PAH: variants seen among roughly 807,000 people sequenced by gnomAD.
The protein encoded by PAH is phenylalanine-4-hydroxylase.
Under a neutral mutation model 62.0 loss-of-function variants are expected in PAH, and 64 were observed. That is an observed-to-expected ratio of 1.03 (90% CI 0.84 to 1.27). The LOEUF (loss-of-function observed/expected upper bound fraction) is 1.27. PAH is among the 50% of genes most tolerant of loss of function. The pLI is 0.00. For synonymous variants in PAH, 195 were observed against 196.2 expected, an observed-to-expected ratio of 0.99 and a Z score of 0.05; for missense variants, 579 against 542.8, an observed-to-expected ratio of 1.07 and a Z score of -0.66.
chr12:102,856,129 GA>G (rs145887051), intron 5 of PAH, among the ~76,000 whole-genome samples: 3,525 of 151,732 alleles, frequency 0.023, 130 homozygotes, highest in African/African-American at 0.08. Flanking sequence ...TGGAACAAAG[GA>G]GAGAAAATAA....
At chr12:102,892,130 A>C (rs1296801073) in intron 3 of PAH, among the ~76,000 whole-genome samples, 1 of 152,222 alleles carries the variant, frequency 6.6e-6, no homozygotes, top group Non-Finnish European at 1.5e-5. Flanking sequence ...CACTCTCCAC[A>C]AGGCCAGAAC....
At chr12:102,885,814 G>T (rs1672717149) in intron 3 of PAH, among the ~76,000 whole-genome samples, 1 of 152,194 alleles carries the variant, frequency 6.6e-6, no homozygotes, top group Non-Finnish European at 1.5e-5. Flanking sequence ...AGCCCCAGGG[G>T]TTAGCCAGCA....
chr12:102,958,187 C>G, intron 1 of PAH: 3 of 1,353,710 alleles, frequency 2.2e-6, no homozygotes, highest in African/African-American at 1.5e-5. Context: ...CCCTCGCGGG[C>G]CCCGCACCTC....
chr12:102,929,906 G>A (rs893547627), intron 1 of PAH, among the ~76,000 whole-genome samples: 10 of 152,198 alleles, frequency 6.6e-5, no homozygotes, highest in African/African-American at 1.9e-4. Flanking sequence ...TGCTTTTGAA[G>A]GAACAAAGAG....
upstream of PAH, chr12:102,950,991 G>A (rs1394192508): frequency 6.6e-6 from 1 of 152,028 alleles, no homozygotes; most frequent in African/African-American, 2.4e-5. Context: ...TGAGAAGAGG[G>A]AAGTCCGAGG....
intron 2 of PAH, among the ~76,000 whole-genome samples, chr12:102,900,399 T>C (rs956296125): frequency 6.6e-6 from 1 of 152,160 alleles, no homozygotes; most frequent in Non-Finnish European, 1.5e-5. Flanking sequence ...TAAATGGTTA[T>C]AATGATAACC....
At chr12:102,914,057 A>G (rs2056602) in intron 1 of PAH, 89,598 of 501,624 alleles carry the variant, frequency 0.18, 9,513 homozygotes, top group Admixed American at 0.36. Flanking sequence ...GTGACTCAGA[A>G]TAACAAGCCC....
rs62514928 is a variant in PAH, at chr12:102,855,230, A to C, written c.612T>G (p.Tyr204Ter). ...LKSLYKTHAC[Y>*]EYNHIFPLLE... is the part of the protein sequence containing the mutation. ...GAAGTGGAAAAATGTGATTGTACTCATAGCAAGCATGGGTTTTATACAAGG... is the reference window on the plus strand; with the variant it reads ...GAAGTGGAAAAATGTGATTGTACTCCTAGCAAGCATGGGTTTTATACAAGG... The change falls in exon 6 of 13, where the codon TAT (tyrosine) becomes TAG (stop). Residue 204 changes from tyrosine (Y) to a stop codon, truncating the protein, a stop_gained. Coordinates refer to ENST00000553106, the MANE Select transcript of PAH (RefSeq NM_000277.3). LOFTEE classifies it high-confidence loss of function. The C allele has an allele frequency of 8.7e-6, 14 of 1,614,156 alleles. No individual in the cohort carries two copies. The highest frequency in any genetic ancestry group is 1.2e-5 in the Non-Finnish European group (14 of 1,179,962).
intron 3 of PAH, among the ~76,000 whole-genome samples, chr12:102,878,769 T>C (rs1412597309): frequency 6.6e-6 from 1 of 152,098 alleles, no homozygotes; most frequent in Non-Finnish European, 1.5e-5. Flanking sequence ...ATTTAAGGTA[T>C]TGACAGCAGT....
chr12:102,888,066 G>A (rs1443946297), intron 3 of PAH, among the ~76,000 whole-genome samples: 1 of 152,166 alleles, frequency 6.6e-6, no homozygotes, highest in East Asian at 1.9e-4. Flanking sequence ...AGTTTTGGGA[G>A]TTTGGACTTG....
chr12:102,936,008 G>C (rs1879088463), intron 1 of PAH, among the ~76,000 whole-genome samples: 1 of 151,256 alleles, frequency 6.6e-6, no homozygotes, highest in Admixed American at 6.6e-5. Flanking sequence ...ATTTTTTGAT[G>C]TGGATACTTA....
intron 2 of PAH, among the ~76,000 whole-genome samples, chr12:102,908,220 C>T (rs7302089): frequency 0.027 from 3,678 of 133,900 alleles, 90 homozygotes; most frequent in African/African-American, 0.077. Flanking sequence ...CCTGCAGCCC[C>T]GACACACACA....
chr12:102,837,248 C>G lies in PAH; in HGVS notation c.*1927G>C, dbSNP rs1874401775. On this transcript the variant is annotated 3_prime_UTR_variant, in exon 13 of 13. Transcript: ENST00000553106. The stretch of plus-strand genomic sequence containing the variant: ...AAAAATACAAATATTATCTTTCATT[C>G]AGTATGTAACTTCCTGTGAAAATCA... 1 of 152,192 alleles carries G rather than the reference C, an allele frequency of 6.6e-6. No homozygotes were observed. Among genetic ancestry groups the G allele is most frequent in the African/African-American group, 2.4e-5 (1 of 41,454 alleles). 9.4% of individuals were successfully genotyped at this position (152,192 alleles called of 1,614,324 possible).
chr12:102,903,338 G>A (rs1469498049), intron 2 of PAH, among the ~76,000 whole-genome samples: 1 of 150,564 alleles, frequency 6.6e-6, no homozygotes, highest in Non-Finnish European at 1.5e-5. Context: ...TGTAGCCTGG[G>A]GGATAGAGTG....
chr12:102,838,402 A>G lies in PAH; in HGVS notation c.*773T>C, dbSNP rs1874452797. On this transcript the variant is annotated 3_prime_UTR_variant, in exon 13 of 13. Transcript: ENST00000553106. ...AGATTTGCTTTTCAATAATGTATTT[A>G]CTTATTTATTCAGTGAACATTTCCT... The G allele has an allele frequency of 6.6e-6, 1 of 150,440 alleles. No individual in the cohort carries two copies. The allele number at this position is 150,440 out of a possible 1,614,324, so 9.3% of individuals were successfully genotyped here. A position where few individuals can be genotyped will look rare whatever the true frequency, so the allele number is the denominator to read the frequency against.
chr12:102,904,709 G>A (rs2136715959), intron 2 of PAH: 1 of 495,704 alleles, frequency 2.0e-6, no homozygotes. Context: ...GTCCAGAAAT[G>A]TGTTGTAAAC....
intron 3 of PAH, among the ~76,000 whole-genome samples, chr12:102,880,664 C>T (rs1195059518): frequency 6.6e-6 from 1 of 152,168 alleles, no homozygotes; most frequent in Non-Finnish European, 1.5e-5. Flanking sequence ...GTACTGAGCA[C>T]CTCCTGCGTA....
At position 102,942,253 on chromosome 12, in the gene PAH, A is replaced by T. The variant is rs573370076; in HGVS notation, c.-96+8336T>A. Among the ~76,000 whole-genome samples, 13 of 152,288 alleles carry T rather than the reference A, an allele frequency of 8.5e-5. No individual in the cohort carries two copies. In the South Asian group the frequency reaches 2.5e-3, roughly 29 times the overall value. ...ATAAAAAAATCAATGTATAAAAATT[A>T]GTAGCATTTCTGTACACAATAACAT... On this transcript the variant is annotated intron_variant, in intron 1 of 3. Transcript: ENST00000546844.
chr12:102,861,308 G>A (rs895338744), intron 5 of PAH, among the ~76,000 whole-genome samples: 6 of 152,050 alleles, frequency 3.9e-5, no homozygotes, highest in African/African-American at 1.4e-4. Context: ...TTAGAATGGC[G>A]ATCATTAAAA....
Sources: allele counts gnomAD v4.1 joint callset (sites outside exome capture counted in the v4.1 genomes callset), GRCh38; gene constraint gnomAD v4.1.1; transcripts MANE v1.5; gene names NCBI Gene and HGNC (gene_info 2026-07-23, HGNC 2026-07-21).